Variants in TPH2 observed in about 807,000 individuals in gnomAD.
TPH2 encodes tryptophan hydroxylase 2, also known as tryptophan 5-hydroxylase 2.
TPH2 carries 27 observed loss-of-function variants against 59.1 expected under a neutral mutation model. The observed-to-expected ratio is 0.46, with a 90% CI of 0.34 to 0.63. The LOEUF (loss-of-function observed/expected upper bound fraction) is 0.63, where lower values mean the gene tolerates loss of function less well. TPH2 is among the 30% of genes least tolerant of loss of function. TPH2 has a pLI of 0.01. For missense variants in TPH2, 523 were observed against 588.3 expected (o/e 0.89, Z 1.15); for synonymous variants, 220 against 210.5 (o/e 1.05, Z -0.39).
chr12:72,008,957 G>A (rs1873027240), intron 8 of TPH2, among the ~76,000 whole-genome samples: 1 of 152,168 alleles, frequency 6.6e-6, no homozygotes, highest in African/African-American at 2.4e-5. Context: ...GCATGTGTGT[G>A]TGTGTGTATG....
Position 72,031,755 on chromosome 12 carries a change from A to G in TPH2, c.*60A>G, listed in dbSNP as rs1263873148. On this transcript the variant is annotated 3_prime_UTR_variant, in exon 11 of 11. Coordinates refer to ENST00000333850, the MANE Select transcript of TPH2 (RefSeq NM_173353.4). ...TTGGGGCTTAGCAGCAGTTCAGTCA[A>G]TGTCATATAACGCAAATAACCTTCT... is the stretch of plus-strand genomic sequence containing the variant. 1.9e-6 allele frequency: 3 copies of G among 1,596,994 alleles called. No homozygotes were observed. Among genetic ancestry groups the G allele is most frequent in the East Asian group, 4.5e-5 (2 of 44,774 alleles).
At position 71,938,889 on chromosome 12, in the gene TPH2, GC is replaced by G; in HGVS notation, c.-97del. 1 of 1,017,550 alleles carries G rather than the reference GC, an allele frequency of 9.8e-7. No individual in the cohort carries two copies. Among genetic ancestry groups the G allele is most frequent in the Non-Finnish European group, 1.5e-6 (1 of 645,752 alleles). 63.0% of individuals were successfully genotyped at this position (1,017,550 alleles called of 1,614,324 possible). On this transcript the variant is annotated 5_prime_UTR_variant, in exon 1 of 11. Coordinates refer to ENST00000333850, the MANE Select transcript of TPH2 (RefSeq NM_173353.4). Reference sequence around the variant, plus strand: ...GGGTTCTGGACAGCGCCCCAAGCAGGCAGCTGATCGCACGCCCCTTCCTCTC... The same window carrying G: ...GGGTTCTGGACAGCGCCCCAAGCAGGAGCTGATCGCACGCCCCTTCCTCTC...
At chr12:71,969,872 T>C (rs1199711803) in intron 5 of TPH2, among the ~76,000 whole-genome samples, 1 of 152,206 alleles carries the variant, frequency 6.6e-6, no homozygotes, top group Admixed American at 6.5e-5. Flanking sequence ...TTAATTTCTC[T>C]GAGCCTCACT....
At chr12:71,975,386 T>C (rs780705306) in intron 6 of TPH2, among the ~76,000 whole-genome samples, 6 of 152,016 alleles carry the variant, frequency 3.9e-5, no homozygotes, top group Admixed American at 1.3e-4. Context: ...ATTCTCACTG[T>C]TGGGGTGTAC....
rs1227246957 is a variant in TPH2, at chr12:71,972,695, A to G, written c.785A>G (p.Asp262Gly). ...YREDNVPQLEDVSMFLKERSG... is the reference protein window; with the variant it reads ...YREDNVPQLEGVSMFLKERSG... ...GAGGACAATGTGCCTCAACTCGAAGATGTCTCCATGTTTCTGAAAGGTAAG... is the reference window on the plus strand; with the variant it reads ...GAGGACAATGTGCCTCAACTCGAAGGTGTCTCCATGTTTCTGAAAGGTAAG... Residue 262 changes from aspartate to glycine, a missense_variant, in exon 6 of 11, where the codon GAT (aspartate) becomes GGT (glycine). By Grantham distance (94) the Asp-to-Gly change is moderately conservative (BLOSUM62 -1). Coordinates refer to ENST00000333850, the MANE Select transcript of TPH2 (RefSeq NM_173353.4). The G allele has an allele frequency of 6.2e-7, 1 of 1,614,050 alleles. No homozygotes were observed. Among genetic ancestry groups the G allele is most frequent in the African/African-American group, 1.3e-5 (1 of 75,052 alleles).
At chr12:72,023,420 A>G (rs1206018166) in intron 9 of TPH2, among the ~76,000 whole-genome samples, 2 of 151,326 alleles carry the variant, frequency 1.3e-5, no homozygotes, top group Non-Finnish European at 2.9e-5. Flanking sequence ...GAGTCTGGTC[A>G]TTTTATGACT....
chr12:71,960,095 G>A (rs1027286489), intron 5 of TPH2, among the ~76,000 whole-genome samples: 16 of 152,150 alleles, frequency 1.1e-4, no homozygotes, highest in Non-Finnish European at 2.4e-4. Context: ...AACACTAGTT[G>A]TTGATGCTTT....
rs2139173488 is a variant in TPH2, at chr12:71,938,982, G to A, written c.-5G>A. 6.2e-7 allele frequency: 1 copy of A among 1,612,446 alleles called. No individual in the cohort carries two copies. The highest frequency in any genetic ancestry group is 1.3e-5 in the African/African-American group (1 of 75,000). Reference sequence around the variant, plus strand: ...CTGCAGAGAAAGAATATTACACCGGGATCCATGCAGCCAGCAATGATGATG... The same window carrying A: ...CTGCAGAGAAAGAATATTACACCGGAATCCATGCAGCCAGCAATGATGATG... On this transcript the variant is annotated 5_prime_UTR_variant, in exon 1 of 11. Transcript: ENST00000333850.
At chr12:71,966,183 C>T (rs1041877829) in intron 5 of TPH2, among the ~76,000 whole-genome samples, 1 of 151,776 alleles carries the variant, frequency 6.6e-6, no homozygotes, top group Non-Finnish European at 1.5e-5. Context: ...TCTGAAAAAT[C>T]AAGAAGGAAC....
intron 5 of TPH2, chr12:71,961,638 A>G (rs768567852): frequency 7.4e-7 from 1 of 1,352,066 alleles, no homozygotes; most frequent in Non-Finnish European, 9.8e-7. Context: ...CTCCTTGTGT[A>G]TGTTGAGCGT....
chr12:72,017,711 C>A (rs560540924), intron 8 of TPH2, among the ~76,000 whole-genome samples: 3 of 152,046 alleles, frequency 2.0e-5, no homozygotes, highest in Non-Finnish European at 4.4e-5. Context: ...TTTGGTAAAT[C>A]TCTAGGGAAT....
intron 1 of TPH2, among the ~76,000 whole-genome samples, chr12:71,939,763 C>T (rs552450305): frequency 1.3e-5 from 2 of 152,248 alleles, no homozygotes; most frequent in African/African-American, 4.8e-5. Flanking sequence ...GCAGTATTTG[C>T]AGGATTTTAG....
chr12:71,945,560 A>T (rs1487683546), intron 4 of TPH2, among the ~76,000 whole-genome samples: 2 of 152,144 alleles, frequency 1.3e-5, no homozygotes, highest in East Asian at 3.9e-4. Context: ...TGCTGTTTAA[A>T]CTGAGGAAAT....
At chr12:72,011,001 A>G (rs1566161562) in intron 8 of TPH2, among the ~76,000 whole-genome samples, 1 of 152,222 alleles carries the variant, frequency 6.6e-6, no homozygotes, top group Non-Finnish European at 1.5e-5. Context: ...TCTTCTGTGC[A>G]AAGTAGATTA....
intron 8 of TPH2, among the ~76,000 whole-genome samples, chr12:72,001,000 T>C (rs1257060117): frequency 6.6e-6 from 1 of 152,242 alleles, no homozygotes; most frequent in Non-Finnish European, 1.5e-5. Flanking sequence ...CATCCTATGA[T>C]GCAGATGGCT....
chr12:72,027,099 G>A (rs1873591529), intron 9 of TPH2, among the ~76,000 whole-genome samples: 2 of 151,754 alleles, frequency 1.3e-5, no homozygotes, highest in African/African-American at 4.8e-5. Context: ...TATAGATAGT[G>A]AGTGTCACAG....
intron 8 of TPH2, among the ~76,000 whole-genome samples, chr12:72,015,558 A>T (rs1270081784): frequency 1.3e-5 from 2 of 151,802 alleles, no homozygotes; most frequent in African/African-American, 4.8e-5. Flanking sequence ...TGACCTCGTG[A>T]TCCACCCGCG....
In TPH2 at chr12:71,941,585, T is replaced by TAAATA. The variant is rs773054189; in HGVS notation, c.110_114dup (p.Pro39IlefsTer34). ...TATTATGCTTCGACATTCCTGAAGC[T>TAAATA]AAATAAACCTAACTCTGGCAAAAAT... On this transcript the variant is annotated frameshift_variant and splice_region_variant, in exon 2 of 11. Transcript: ENST00000333850. LOFTEE classifies it high-confidence loss of function. 6.2e-7 allele frequency: 1 copy of TAAATA among 1,613,776 alleles called. No individual in the cohort carries two copies. Among genetic ancestry groups the TAAATA allele is most frequent in the Non-Finnish European group, 8.5e-7 (1 of 1,179,844 alleles).
chr12:71,947,863 G>T (rs1871238477), intron 4 of TPH2, among the ~76,000 whole-genome samples: 1 of 152,212 alleles, frequency 6.6e-6, no homozygotes, highest in South Asian at 2.1e-4. Flanking sequence ...AAGAGAGGCA[G>T]TTGAGATTCT....
Sources: allele counts gnomAD v4.1 joint callset (sites outside exome capture counted in the v4.1 genomes callset), GRCh38; gene constraint gnomAD v4.1.1; transcripts MANE v1.5; gene names NCBI Gene and HGNC (gene_info 2026-07-23, HGNC 2026-07-21).